The following SIPA1L1 variants were observed in gnomAD, a reference collection of about 807,000 sequenced individuals.
SIPA1L1 encodes the protein signal-induced proliferation-associated 1-like protein 1.
In SIPA1L1, 26 loss-of-function variants were observed where a neutral mutation model predicts 162.7. The ratio of observed to expected loss-of-function variants is 0.16; its 90% confidence interval spans 0.12 to 0.22. SIPA1L1 has a LOEUF of 0.22. SIPA1L1 is among the 10% of genes least tolerant of loss of function. SIPA1L1 has a pLI of 1.00. For synonymous variants in SIPA1L1, 829 were observed against 837.4 expected (o/e 0.99, Z 0.17); for missense variants, 1,874 against 2,241.0 (o/e 0.84, Z 3.31).
chr14:71,492,326 C>T (rs896532129), intron 2 of SIPA1L1, among the ~76,000 whole-genome samples: 2 of 151,998 alleles, frequency 1.3e-5, no homozygotes, highest in South Asian at 2.1e-4. Flanking sequence ...TCAATATAGC[C>T]GTGTTTTTTT....
At chr14:71,645,051 C>T (rs2042041728) in intron 7 of SIPA1L1, among the ~76,000 whole-genome samples, 1 of 152,200 alleles carries the variant, frequency 6.6e-6, no homozygotes, top group Non-Finnish European at 1.5e-5. Context: ...TCCGGGGGCT[C>T]TAAGGGTGAA....
chr14:71,641,103 G>T (rs2041667825), intron 7 of SIPA1L1, among the ~76,000 whole-genome samples: 1 of 152,056 alleles, frequency 6.6e-6, no homozygotes, highest in Non-Finnish European at 1.5e-5. Context: ...TGTCTGAAAG[G>T]CATGTGGGTA....
chr14:71,662,740 G>C (rs1274567798), intron 10 of SIPA1L1, among the ~76,000 whole-genome samples: 1 of 152,200 alleles, frequency 6.6e-6, no homozygotes, highest in African/African-American at 2.4e-5. Context: ...GTTTCCTAGG[G>C]TTGGGGCAGA....
intron 3 of SIPA1L1, among the ~76,000 whole-genome samples, chr14:71,527,994 T>A (rs1371540818): frequency 6.6e-6 from 1 of 152,122 alleles, no homozygotes; most frequent in Non-Finnish European, 1.5e-5. Context: ...TTCAAGCGAT[T>A]TTCGTGCCTG....
At chr14:71,647,749 A>G (rs1483684261) in intron 7 of SIPA1L1, among the ~76,000 whole-genome samples, 1 of 152,192 alleles carries the variant, frequency 6.6e-6, no homozygotes. Context: ...TTGAGACCTA[A>G]TAGGGTACTT....
At chr14:71,674,342 A>ATC (rs1432496215) in intron 12 of SIPA1L1, among the ~76,000 whole-genome samples, 1 of 152,186 alleles carries the variant, frequency 6.6e-6, no homozygotes, top group Non-Finnish European at 1.5e-5. Context: ...GTTACTAGAA[A>ATC]GATGGATAAG....
chr14:71,399,756 C>T (rs561097062), intron 2 of SIPA1L1, among the ~76,000 whole-genome samples: 3 of 151,768 alleles, frequency 2.0e-5, no homozygotes, highest in Non-Finnish European at 4.4e-5. Flanking sequence ...GATGCTTGCC[C>T]TGTCACCCAG....
chr14:71,435,625 G>A (rs983350085), intron 2 of SIPA1L1, among the ~76,000 whole-genome samples: 9 of 152,098 alleles, frequency 5.9e-5, no homozygotes, highest in East Asian at 1.9e-4. Context: ...GGATAGTGCC[G>A]CAATAAACAT....
intron 2 of SIPA1L1, among the ~76,000 whole-genome samples, chr14:71,470,666 T>C (rs1257128341): frequency 6.6e-6 from 1 of 152,126 alleles, no homozygotes; most frequent in African/African-American, 2.4e-5. Flanking sequence ...ATGTAAACTT[T>C]CTGTACCTTA....
intron 2 of SIPA1L1, among the ~76,000 whole-genome samples, chr14:71,472,940 G>A (rs940175872): frequency 6.6e-6 from 1 of 151,372 alleles, no homozygotes. Context: ...CACACTCCTG[G>A]GCTCAAATGA....
At chr14:71,566,799 A>C (rs1217255055) in intron 4 of SIPA1L1, among the ~76,000 whole-genome samples, 1 of 152,188 alleles carries the variant, frequency 6.6e-6, no homozygotes, top group Non-Finnish European at 1.5e-5. Context: ...CTTTAGAGCA[A>C]AACACCCAAT....
intron 7 of SIPA1L1, among the ~76,000 whole-genome samples, chr14:71,641,501 T>C (rs2041710806): frequency 1.3e-5 from 2 of 152,108 alleles, no homozygotes; most frequent in South Asian, 4.1e-4. Flanking sequence ...GGCGGGCAGA[T>C]CACGAGGTCA....
At chr14:71,346,406 T>C (rs1035352396) in intron 2 of SIPA1L1, among the ~76,000 whole-genome samples, 3 of 152,146 alleles carry the variant, frequency 2.0e-5, no homozygotes, top group African/African-American at 7.2e-5. Context: ...AACTGGCTAT[T>C]TTATTCTGGG....
chr14:71,473,539 T>C (rs1029818012), intron 2 of SIPA1L1, among the ~76,000 whole-genome samples: 5 of 152,194 alleles, frequency 3.3e-5, no homozygotes. Flanking sequence ...TGTTCTTTGG[T>C]TTTTTCTTCT....
At chr14:71,459,955 A>G (rs1157385246) in intron 2 of SIPA1L1, among the ~76,000 whole-genome samples, 1 of 152,246 alleles carries the variant, frequency 6.6e-6, no homozygotes, top group African/African-American at 2.4e-5. Flanking sequence ...TACGCCTAAC[A>G]TAATACAACT....
At chr14:71,655,991 C>T (rs1467403264) in intron 8 of SIPA1L1, among the ~76,000 whole-genome samples, 1 of 152,020 alleles carries the variant, frequency 6.6e-6, no homozygotes, top group African/African-American at 2.4e-5. Context: ...AAGTTTAATA[C>T]CTCTATGAAG....
At chr14:71,376,852 G>T (rs550120549) in intron 2 of SIPA1L1, among the ~76,000 whole-genome samples, 1 of 152,148 alleles carries the variant, frequency 6.6e-6, no homozygotes, top group Non-Finnish European at 1.5e-5. Flanking sequence ...GGGGTTGGGG[G>T]TAAGATTATA....
intron 20 of SIPA1L1, among the ~76,000 whole-genome samples, chr14:71,730,784 G>A (rs1034918960): frequency 3.3e-5 from 5 of 152,178 alleles, no homozygotes; most frequent in Admixed American, 2.6e-4. Flanking sequence ...CAGTGAGCAG[G>A]CAAGCATTAT....
chr14:71,536,774 T>G (rs1426345355), intron 4 of SIPA1L1, among the ~76,000 whole-genome samples: 1 of 152,220 alleles, frequency 6.6e-6, no homozygotes, highest in African/African-American at 2.4e-5. Flanking sequence ...AGTTTTAAAT[T>G]ATAATGTTGT....
Sources: allele counts gnomAD v4.1 joint callset (sites outside exome capture counted in the v4.1 genomes callset), GRCh38; gene constraint gnomAD v4.1.1; transcripts MANE v1.5; gene names NCBI Gene and HGNC (gene_info 2026-07-23, HGNC 2026-07-21).